Variants in BLK observed in about 807,000 individuals in gnomAD.
BLK encodes the protein BLK proto-oncogene, Src family tyrosine kinase.
A neutral mutation model predicts 61.8 loss-of-function variants in BLK; 64 were observed. The ratio of observed to expected loss-of-function variants is 1.03; its 90% confidence interval spans 0.85 to 1.27. The LOEUF (loss-of-function observed/expected upper bound fraction) is 1.27, where lower values mean the gene tolerates loss of function less well. BLK is among the 50% of genes most tolerant of loss of function. BLK has a pLI of 0.00. For synonymous variants in BLK, 351 were observed against 272.0 expected, an observed-to-expected ratio of 1.29 and a Z score of -2.86; for missense variants, 853 against 660.5, an observed-to-expected ratio of 1.29 and a Z score of -3.19.
intron 6 of BLK, among the ~76,000 whole-genome samples, chr8:11,554,430 A>G (rs952052024): frequency 6.6e-6 from 1 of 152,084 alleles, no homozygotes; most frequent in African/African-American, 2.4e-5. Context: ...TCCCCGAGTG[A>G]CCAGATGCCC....
chr8:11,521,829 A>T (rs1458971838), intron 1 of BLK, among the ~76,000 whole-genome samples: 1 of 152,064 alleles, frequency 6.6e-6, no homozygotes, highest in Non-Finnish European at 1.5e-5. Flanking sequence ...TGCAGCTTTT[A>T]GTAAGTGTGG....
intron 6 of BLK, 89 bp downstream of exon 6, chr8:11,550,351 G>T (rs1800846189): frequency 3.1e-6 from 4 of 1,271,462 alleles, no homozygotes; most frequent in Admixed American, 3.6e-5. Context: ...AGAGGGGAAG[G>T]GGTGACTGCC....
chr8:11,544,014 G>A (rs1057256289), intron 2 of BLK, among the ~76,000 whole-genome samples: 21 of 150,960 alleles, frequency 1.4e-4, no homozygotes, highest in Non-Finnish European at 2.4e-4. Context: ...CCAGGCTGGA[G>A]TGCAGTGGTG....
intron 1 of BLK, among the ~76,000 whole-genome samples, chr8:11,518,745 C>G (rs565397968): frequency 6.6e-6 from 1 of 152,278 alleles, no homozygotes; most frequent in East Asian, 1.9e-4. Flanking sequence ...GAAATCCCAA[C>G]CCTTCCCCAG....
At chr8:11,499,480 TCTCATTTCCTGAG>T (rs1444799278) in intron 1 of BLK, among the ~76,000 whole-genome samples, 67 of 152,334 alleles carry the variant, frequency 4.4e-4, no homozygotes, top group African/African-American at 1.6e-3. Flanking sequence ...CCTGAGAGAA[TCTCATTTCCTGAG>T]TCAGATGTGG....
chr8:11,551,643 T>C (rs73543868), intron 6 of BLK, among the ~76,000 whole-genome samples: 2 of 152,162 alleles, frequency 1.3e-5, no homozygotes, highest in African/African-American at 4.8e-5. Flanking sequence ...GGTGTGACCA[T>C]TCCAGAGTCA....
chr8:11,523,378 AC>A (rs919454582), intron 1 of BLK, among the ~76,000 whole-genome samples: 4 of 152,078 alleles, frequency 2.6e-5, no homozygotes, highest in African/African-American at 9.7e-5. Context: ...ACATGGAGAT[AC>A]CCCGTCTCTA....
intron 1 of BLK, among the ~76,000 whole-genome samples, chr8:11,538,584 T>C (rs922272508): frequency 1.3e-5 from 2 of 152,266 alleles, no homozygotes; most frequent in Non-Finnish European, 2.9e-5. Flanking sequence ...TGTTCAATTA[T>C]GTTGTCTCAG....
At chr8:11,550,747 CA>C (rs1354989836) in intron 6 of BLK, among the ~76,000 whole-genome samples, 1 of 152,254 alleles carries the variant, frequency 6.6e-6, no homozygotes, top group Non-Finnish European at 1.5e-5. Flanking sequence ...TCTAGACACT[CA>C]TGAGTTCAAA....
rs574333771 is a variant in BLK at position 11,549,901 on chromosome 8, A to G, written c.369-258A>G. The G allele has an allele frequency of 2.1e-3, 1,085 of 507,476 alleles. 19 individuals carry two copies. The highest frequency in any genetic ancestry group is 0.021 in the South Asian group (1,032 of 49,576). 31.4% of individuals were successfully genotyped at this position (507,476 alleles called of 1,614,324 possible). ...GCATTTTTCCAAAGCAAAATTAACA[A>G]AGGTCAACCAACTAGTGTTCTTGTT... On this transcript the variant is annotated intron_variant, in intron 5 of 12. Coordinates refer to ENST00000259089, the MANE Select transcript of BLK (RefSeq NM_001715.3).
At chr8:11,513,755 G>A (rs189354085) in intron 1 of BLK, among the ~76,000 whole-genome samples, 1 of 152,352 alleles carries the variant, frequency 6.6e-6, no homozygotes, top group Non-Finnish European at 1.5e-5. Context: ...GTGGTGCTCA[G>A]AACAGGTTGT....
At chr8:11,556,486 G>T in intron 8 of BLK, 172 bp from the exon 9 acceptor site, 1 of 763,230 alleles carries the variant, frequency 1.3e-6, no homozygotes, top group Non-Finnish European at 2.2e-6. Flanking sequence ...ATATAGAAGG[G>T]ACCTGGAACG....
intron 1 of BLK, among the ~76,000 whole-genome samples, chr8:11,540,547 T>G (rs953461304): frequency 6.6e-6 from 1 of 152,098 alleles, no homozygotes; most frequent in African/African-American, 2.4e-5. Flanking sequence ...CCATTTATAT[T>G]AGGAACAAGA....
intron 1 of BLK, among the ~76,000 whole-genome samples, chr8:11,504,752 G>GA (rs566506863): frequency 2.0e-5 from 3 of 152,308 alleles, no homozygotes; most frequent in Admixed American, 2.0e-4. Flanking sequence ...TTGAGATGAG[G>GA]CCTGATAAGG....
intron 1 of BLK, among the ~76,000 whole-genome samples, chr8:11,538,295 T>C (rs753165455): frequency 1.3e-5 from 2 of 152,206 alleles, no homozygotes; most frequent in African/African-American, 2.4e-5. Flanking sequence ...TCTGGACTTC[T>C]GCACTTCCTG....
At position 11,546,057 on chromosome 8, in the gene BLK, C is replaced by G. The variant is rs377568491; in HGVS notation, c.129C>G (p.Val43=). The change falls in exon 3 of 13, where the codon GTC becomes GTG. Residue 43 remains valine, a synonymous_variant. Coordinates refer to ENST00000259089, the MANE Select transcript of BLK (RefSeq NM_001715.3). The stretch of plus-strand genomic sequence containing the variant: ...GTGTGTGTTTTCTACCCAAGGTTGT[C>G]TTCAACCACCTTACTCCTCCACCGC... ...KDAPPLPPLV[V]FNHLTPPPPD... The G allele has an allele frequency of 1.2e-6, 2 of 1,614,196 alleles. No homozygotes were observed. The highest frequency in any genetic ancestry group is 2.7e-5 in the African/African-American group (2 of 75,030).
chr8:11,509,813 A>G (rs560871504), intron 1 of BLK: 2 of 152,332 alleles, frequency 1.3e-5, no homozygotes, highest in African/African-American at 4.8e-5. Flanking sequence ...AACACTGGCA[A>G]CCTAACACTT....
At chr8:11,507,079 G>C (rs1016128006) in intron 1 of BLK, among the ~76,000 whole-genome samples, 3 of 152,248 alleles carry the variant, frequency 2.0e-5, no homozygotes, top group African/African-American at 7.2e-5. Context: ...TCTGCTGACA[G>C]AGCAGTGTGT....
intron 1 of BLK, among the ~76,000 whole-genome samples, chr8:11,510,109 C>T (rs1023896045): frequency 1.3e-5 from 2 of 152,172 alleles, no homozygotes; most frequent in African/African-American, 4.8e-5. Context: ...AAAATAAATG[C>T]AGCTTGCAAA....
Sources: gnomAD v4.1 joint callset for allele counts (sites outside exome capture counted in the v4.1 genomes callset) on GRCh38, gnomAD v4.1.1 for gene constraint, MANE v1.5 for transcripts, NCBI Gene and HGNC (gene_info 2026-07-23, HGNC 2026-07-21) for gene names.